CA8: variants seen among roughly 807,000 people sequenced by gnomAD.
CA8 encodes carbonic anhydrase-related protein.
CA8 carries 22 observed loss-of-function variants against 41.4 expected under a neutral mutation model. The observed-to-expected ratio is 0.53, with a 90% CI of 0.38 to 0.76. CA8 has a LOEUF of 0.76. Among genes scored for constraint, CA8 ranks in the 30% least tolerant of loss-of-function variants. The pLI is 0.00. For missense variants in CA8, 270 were observed against 352.8 expected, an observed-to-expected ratio of 0.77 and a Z score of 1.88; for synonymous variants, 121 against 130.6, an observed-to-expected ratio of 0.93 and a Z score of 0.50.
chr8:60,262,305 A>G (rs1803758885), intron 3 of CA8, among the ~76,000 whole-genome samples: 1 of 150,340 alleles, frequency 6.7e-6, no homozygotes, highest in Admixed American at 6.6e-5. Context: ...TGGTGAATGC[A>G]TAGAGTGTAC....
intron 3 of CA8, among the ~76,000 whole-genome samples, chr8:60,241,950 T>C (rs752415289): frequency 3.7e-4 from 57 of 152,302 alleles, no homozygotes; most frequent in Middle Eastern, 3.4e-3. Flanking sequence ...TCCCTGCTCA[T>C]CCCTGAATGA....
At chr8:60,254,490 G>A (rs978039659) in intron 3 of CA8, among the ~76,000 whole-genome samples, 9 of 152,186 alleles carry the variant, frequency 5.9e-5, no homozygotes, top group African/African-American at 1.7e-4. Context: ...AACAAACCAC[G>A]TCAGCGCTGG....
intron 7 of CA8, among the ~76,000 whole-genome samples, chr8:60,214,976 T>C (rs1386127680): frequency 6.6e-6 from 1 of 151,774 alleles, no homozygotes; most frequent in Non-Finnish European, 1.5e-5. Context: ...AATAGATAAG[T>C]AGGGAGGGAA....
At chr8:60,270,836 T>C (rs1804047688) in intron 2 of CA8, among the ~76,000 whole-genome samples, 3 of 152,204 alleles carry the variant, frequency 2.0e-5, no homozygotes, top group Non-Finnish European at 4.4e-5. Flanking sequence ...TTTTTAACAT[T>C]TGAGGCCTTA....
At chr8:60,198,477 T>C (rs1258928205) in intron 8 of CA8, among the ~76,000 whole-genome samples, 1 of 152,150 alleles carries the variant, frequency 6.6e-6, no homozygotes, top group East Asian at 1.9e-4. Context: ...GAAGTAAACC[T>C]GTGTTAGGAT....
At chr8:60,265,797 TA>T in intron 3 of CA8, 127 bp downstream of exon 3, 1 of 1,076,568 alleles carries the variant, frequency 9.3e-7, no homozygotes, top group South Asian at 1.4e-5. Flanking sequence ...AAGCATTTTT[TA>T]AATTTTAGTA....
Position 60,281,079 on chromosome 8 carries a change from T to G in CA8, c.69A>C (p.Glu23Asp). 1 of 1,610,820 alleles carries G rather than the reference T, an allele frequency of 6.2e-7. No individual in the cohort carries two copies. Among genetic ancestry groups the G allele is most frequent in the Non-Finnish European group, 8.5e-7 (1 of 1,179,244 alleles). Residue 23 changes from glutamate (E) to aspartate (D), a missense_variant, in exon 1 of 9, where the codon GAA becomes GAC. Glu to Asp is a conservative substitution (Grantham distance 45). Coordinates refer to ENST00000317995, the MANE Select transcript of CA8 (RefSeq NM_004056.6). The part of the protein sequence containing the change: ...FPEKEEDEEE[E>D]EEGVEWGYEE... The stretch of plus-strand genomic sequence containing the variant: ...CGTAGCCCCACTCCACACCCTCCTC[T>G]TCTTCCTCCTCATCCTCTTCCTTCT...
chr8:60,208,697 C>T lies in CA8; in HGVS notation c.*35+53G>A, dbSNP rs542013160. On this transcript the variant is annotated intron_variant, in intron 8 of 8. Coordinates refer to ENST00000317995, the MANE Select transcript of CA8 (RefSeq NM_004056.6). ...GATCACAATAAGTGTACCTTTGGTACGCTAGGTTTAAGTAGCTGTGCACCT... is the reference window on the plus strand; with the variant it reads ...GATCACAATAAGTGTACCTTTGGTATGCTAGGTTTAAGTAGCTGTGCACCT... 8.3e-5 allele frequency: 121 copies of T among 1,459,524 alleles called. 1 individual carries two copies. In the South Asian group the frequency reaches 1.1e-3, roughly 13 times the overall value. 90.4% of individuals were successfully genotyped at this position (1,459,524 alleles called of 1,614,324 possible).
chr8:60,261,644 T>C (rs1489772519), intron 3 of CA8, among the ~76,000 whole-genome samples: 4 of 152,232 alleles, frequency 2.6e-5, no homozygotes, highest in Admixed American at 1.3e-4. Flanking sequence ...TTCCTACATT[T>C]GGCTATTAAA....
intron 8 of CA8, among the ~76,000 whole-genome samples, chr8:60,207,106 G>A (rs922262981): frequency 1.5e-4 from 23 of 152,062 alleles, no homozygotes; most frequent in African/African-American, 5.1e-4. Context: ...TCACTCGACC[G>A]CCAGTGTGGC....
intron 3 of CA8, among the ~76,000 whole-genome samples, chr8:60,247,241 C>T (rs537441397): frequency 1.6e-4 from 24 of 152,140 alleles, no homozygotes; most frequent in South Asian, 8.3e-4. Context: ...TTTTAAGTTC[C>T]GGGATACATA....
At chr8:60,272,661 T>C (rs1402361278) in intron 2 of CA8, among the ~76,000 whole-genome samples, 1 of 152,228 alleles carries the variant, frequency 6.6e-6, no homozygotes, top group East Asian at 1.9e-4. Context: ...AAATGCTCTT[T>C]CCTCCACAAA....
Position 60,224,456 on chromosome 8 carries a change from A to G in CA8, c.625+81T>C, listed in dbSNP as rs190693838. Reference sequence around the variant, plus strand: ...AATAAGTTTTATTAATTAACAATATATAGTTTTACATAGTCTGAAGAAAAC... The same window carrying G: ...AATAAGTTTTATTAATTAACAATATGTAGTTTTACATAGTCTGAAGAAAAC... On this transcript the variant is annotated intron_variant, in intron 6 of 8. Transcript: ENST00000317995. 2.9e-4 allele frequency: 241 copies of G among 836,156 alleles called. 1 individual carries two copies. In the Middle Eastern group the frequency reaches 6.7e-3, roughly 23 times the overall value. The allele number at this position is 836,156 out of a possible 1,614,324, so 51.8% of individuals were successfully genotyped here. A position where few individuals can be genotyped will look rare whatever the true frequency, so the allele number is the denominator to read the frequency against.
At chr8:60,202,095 G>T (rs1179790166) in intron 8 of CA8, among the ~76,000 whole-genome samples, 1 of 151,010 alleles carries the variant, frequency 6.6e-6, no homozygotes, top group Non-Finnish European at 1.5e-5. Flanking sequence ...CCAGGTTGGA[G>T]TGCAGTGGCA....
chr8:60,205,806 G>A (rs1208595972), intron 8 of CA8, among the ~76,000 whole-genome samples: 1 of 152,070 alleles, frequency 6.6e-6, no homozygotes, highest in Non-Finnish European at 1.5e-5. Context: ...AGTTATTTCA[G>A]TAAAACATAG....
rs531100247 is a variant in CA8, at chr8:60,273,277, G to C, written c.292+6412C>G. 2.0e-5 allele frequency among the ~76,000 whole-genome samples: 3 copies of C among 152,236 alleles called. No individual in the cohort carries two copies. In the South Asian group the frequency reaches 6.2e-4, roughly 32 times the overall value. On this transcript the variant is annotated intron_variant, in intron 2 of 8. Coordinates refer to ENST00000317995, the MANE Select transcript of CA8 (RefSeq NM_004056.6). ...ATTATATTTGTTCTAAATATGTCCA[G>C]AGACTTAAAGAGAGACAATGGCGGA...
chr8:60,280,975 A>G (rs1371314167), intron 1 of CA8, 73 bp downstream of exon 1: 3 of 1,084,512 alleles, frequency 2.8e-6, no homozygotes, highest in Non-Finnish European at 4.2e-6. Flanking sequence ...CGGCAGCAGG[A>G]CTCGAGTCCC....
chr8:60,280,902 AGTGGGAAAGTGGCAGAGACCCCC>A, intron 1 of CA8, 123 bp downstream of exon 1: 1 of 680,234 alleles, frequency 1.5e-6, no homozygotes, highest in Non-Finnish European at 2.6e-6. Flanking sequence ...GCACCAGGGG[AGTGGGAAAGTGGCAGAGACCCCC>A]GTGGGAAAGA....
chr8:60,273,164 G>A (rs532091755), intron 2 of CA8, among the ~76,000 whole-genome samples: 15 of 152,314 alleles, frequency 9.8e-5, no homozygotes, highest in African/African-American at 1.9e-4. Context: ...AGGCTGTCAT[G>A]TGAGCAACAG....
Sources: allele counts gnomAD v4.1 joint callset (sites outside exome capture counted in the v4.1 genomes callset), GRCh38; gene constraint gnomAD v4.1.1; transcripts MANE v1.5; gene names NCBI Gene and HGNC (gene_info 2026-07-23, HGNC 2026-07-21).